ITIH2: variants seen among roughly 807,000 people sequenced by gnomAD.
ITIH2 encodes the protein inter-alpha-trypsin inhibitor heavy chain H2.
In ITIH2, 103 loss-of-function variants were observed where a neutral mutation model predicts 104.4. That is an observed-to-expected ratio of 0.99 (90% CI 0.84 to 1.16). ITIH2 has a LOEUF of 1.16. ITIH2 is among the 50% of genes most tolerant of loss of function. The pLI, the probability that ITIH2 is intolerant of heterozygous loss-of-function variation, is 0.00. For synonymous variants in ITIH2, 436 were observed against 435.4 expected, an observed-to-expected ratio of 1.00 and a Z score of -0.02; for missense variants, 1,108 against 1,162.4, an observed-to-expected ratio of 0.95 and a Z score of 0.68.
In ITIH2 at chr10:7,732,022, A is replaced by G. The variant is rs767344780; in HGVS notation, c.1647+26A>G. On this transcript the variant is annotated intron_variant, in intron 13 of 20. Transcript: ENST00000358415. ...GTACTTCCACTTATCCATTTATTCT[A>G]TCTACTAACTGACCCCCTAGATACA... 6 of 1,550,720 alleles carry G rather than the reference A, an allele frequency of 3.9e-6. No homozygotes were observed. In the East Asian group the frequency reaches 1.1e-4, roughly 29 times the overall value.
In ITIH2 at chr10:7,717,793, G is replaced by C; in HGVS notation, c.630+5G>C. On this transcript the variant is annotated splice_donor_5th_base_variant and intron_variant, in intron 6 of 20. Coordinates refer to ENST00000358415, the MANE Select transcript of ITIH2 (RefSeq NM_002216.3). ...CGGCTGGCCAAACACTTAGAGGTAA[G>C]CCTGGATCTGTAGGGTGGGCAGTGA... 2 of 1,603,752 alleles carry C rather than the reference G, an allele frequency of 1.2e-6. No individual in the cohort carries two copies. The highest frequency in any genetic ancestry group is 1.7e-6 in the Non-Finnish European group (2 of 1,172,926).
At chr10:7,709,334 T>C in intron 4 of ITIH2, 143 bp downstream of exon 4, 1 of 698,898 alleles carries the variant, frequency 1.4e-6, no homozygotes, top group Non-Finnish European at 2.4e-6. Context: ...TTGGTCCCAA[T>C]AATTTTCTCC....
At chr10:7,707,372 A>G in intron 3 of ITIH2, 139 bp downstream of exon 3, 1 of 644,512 alleles carries the variant, frequency 1.6e-6, no homozygotes, top group Non-Finnish European at 2.7e-6. Context: ...AACTGTTTGC[A>G]AGTGTTTCTA....
At chr10:7,748,649 C>A (rs1444805950) in intron 20 of ITIH2, among the ~76,000 whole-genome samples, 1 of 142,234 alleles carries the variant, frequency 7.0e-6, no homozygotes, top group Non-Finnish European at 1.5e-5. Flanking sequence ...TCAAGCAATT[C>A]TCTTGCCTCA....
intron 3 of ITIH2, 99 bp from the exon 4 acceptor site, chr10:7,708,923 C>A: frequency 3.0e-6 from 3 of 1,007,244 alleles, no homozygotes; most frequent in South Asian, 2.8e-5. Context: ...GCTAGTAAAA[C>A]AAGTAAAATG....
chr10:7,709,334 T>A (rs1834775340), intron 4 of ITIH2, 143 bp downstream of exon 4: 2 of 698,898 alleles, frequency 2.9e-6, no homozygotes, highest in East Asian at 5.4e-5. Context: ...TTGGTCCCAA[T>A]AATTTTCTCC....
intron 12 of ITIH2, 70 bp downstream of exon 12, chr10:7,730,203 T>C: frequency 1.7e-6 from 2 of 1,162,696 alleles, no homozygotes; most frequent in Non-Finnish European, 2.5e-6. Context: ...CTGATGCAGG[T>C]ATGATGCATA....
chr10:7,729,967 C>G lies in ITIH2; in HGVS notation c.1295C>G (p.Ser432Ter). The G allele has an allele frequency of 6.2e-7, 1 of 1,601,246 alleles. No homozygotes were observed. The highest frequency in any genetic ancestry group is 1.7e-4 in the Middle Eastern group (1 of 5,986). Reference protein sequence around the residue: ...GDPTVGELKLSKIQKNVKENI... With the variant: ...GDPTVGELKL Reference sequence around the variant, plus strand: ...CCAACTTTAGGCGAACTAAAACTGTCAAAAATTCAGAAAAACGTTAAGGAG... The same window carrying G: ...CCAACTTTAGGCGAACTAAAACTGTGAAAAATTCAGAAAAACGTTAAGGAG... Residue 432 changes from serine to a stop codon, truncating the protein, a stop_gained, in exon 12 of 21, where the codon TCA becomes TGA. Coordinates refer to ENST00000358415, the MANE Select transcript of ITIH2 (RefSeq NM_002216.3). LOFTEE classifies it high-confidence loss of function.
chr10:7,707,735 T>C (rs1834760841), intron 3 of ITIH2, among the ~76,000 whole-genome samples: 1 of 152,120 alleles, frequency 6.6e-6, no homozygotes, highest in African/African-American at 2.4e-5. Flanking sequence ...CAGCTAATTT[T>C]TGTGTTTTTA....
At chr10:7,721,593 G>A (rs1012301329) in intron 7 of ITIH2, 56 bp from the exon 8 acceptor site, 41 of 1,558,438 alleles carry the variant, frequency 2.6e-5, no homozygotes, top group South Asian at 2.6e-4. Flanking sequence ...AAGGGGCAGC[G>A]CCAAGCACTG....
At position 7,721,729 on chromosome 10, in the gene ITIH2, G is replaced by GT; in HGVS notation, c.819_820insT (p.Val274CysfsTer5). ...GGGAGACTGCGGTAGATGGGGAACT[G>GT]GTGGTGCTGTATGACGTGAAAAGAG... On this transcript the variant is annotated frameshift_variant, in exon 8 of 21. Coordinates refer to ENST00000358415, the MANE Select transcript of ITIH2 (RefSeq NM_002216.3). LOFTEE classifies it high-confidence loss of function. 1 of 1,614,026 alleles carries GT rather than the reference G, an allele frequency of 6.2e-7. No homozygotes were observed. The highest frequency in any genetic ancestry group is 8.5e-7 in the Non-Finnish European group (1 of 1,179,932).
At chr10:7,720,655 C>A (rs1160762026) in intron 6 of ITIH2, among the ~76,000 whole-genome samples, 3 of 152,126 alleles carry the variant, frequency 2.0e-5, no homozygotes, top group African/African-American at 4.8e-5. Context: ...AGCTCTGAGT[C>A]GACAGAAGGG....
At position 7,738,664 on chromosome 10, in the gene ITIH2, G is replaced by T. The variant is rs568011933; in HGVS notation, c.2001G>T (p.Pro667=). Residue 667 remains proline, a synonymous_variant, in exon 16 of 21, where the codon CCG becomes CCT. Coordinates refer to ENST00000358415, the MANE Select transcript of ITIH2 (RefSeq NM_002216.3). ...GCAAAGTGGTTCCAGATTCCACCCC[G>T]TCTTGGGCCAATCCTTCACCAACGC... is the stretch of plus-strand genomic sequence containing the variant. ...YGSKVVPDST[P]SWANPSPTPV... 6.2e-7 allele frequency: 1 copy of T among 1,613,842 alleles called. No homozygotes were observed. Among genetic ancestry groups the T allele is most frequent in the Admixed American group, 1.7e-5 (1 of 60,000 alleles).
At chr10:7,733,852 CAT>C (rs1835026644) in intron 14 of ITIH2, among the ~76,000 whole-genome samples, 1 of 151,958 alleles carries the variant, frequency 6.6e-6, no homozygotes, top group Non-Finnish European at 1.5e-5. Context: ...TGACTGAACT[CAT>C]AGAGAAAATC....
At chr10:7,743,667 G>A (rs1261270126) in intron 17 of ITIH2, among the ~76,000 whole-genome samples, 3 of 152,014 alleles carry the variant, frequency 2.0e-5, no homozygotes, top group Admixed American at 1.3e-4. Context: ...TGTAATCCCA[G>A]CTACTCAGGA....
chr10:7,707,008 C>G (rs923153459), intron 2 of ITIH2, among the ~76,000 whole-genome samples, 193 bp from the exon 3 acceptor site: 3 of 152,162 alleles, frequency 2.0e-5, no homozygotes, highest in African/African-American at 7.2e-5. Flanking sequence ...GGTTGAGAAA[C>G]TTATTGAGAA....
In ITIH2 at chr10:7,721,288, C is replaced by G. The variant is rs1834900116; in HGVS notation, c.738+325C>G. On this transcript the variant is annotated intron_variant, in intron 7 of 20. Coordinates refer to ENST00000358415, the MANE Select transcript of ITIH2 (RefSeq NM_002216.3). ...TAACCATAGCAAGACATGTTCAGCT[C>G]TCTGCCTCAATGACCAGCGATAACC... Among the ~76,000 whole-genome samples the G allele has an allele frequency of 2.0e-5, 3 of 152,218 alleles. 1 individual carries two copies. The South Asian group carries it at 6.2e-4, about 32-fold the overall frequency.
chr10:7,721,533 C>A, intron 7 of ITIH2, 116 bp from the exon 8 acceptor site: 1 of 899,480 alleles, frequency 1.1e-6, no homozygotes, highest in Non-Finnish European at 1.7e-6. Flanking sequence ...ACCGATATCG[C>A]GGGGATTCAG....
At chr10:7,732,098 G>A in intron 13 of ITIH2, 102 bp downstream of exon 13, 1 of 977,620 alleles carries the variant, frequency 1.0e-6, no homozygotes, top group Non-Finnish European at 1.6e-6. Context: ...GTGTAGAACA[G>A]AAGCAATCAG....
Sources: allele counts gnomAD v4.1 joint callset (sites outside exome capture counted in the v4.1 genomes callset), GRCh38; gene constraint gnomAD v4.1.1; transcripts MANE v1.5; gene names NCBI Gene and HGNC (gene_info 2026-07-23, HGNC 2026-07-21).